The following ANO4 variants were observed in gnomAD, a reference collection of about 807,000 sequenced individuals.
ANO4 encodes the protein anoctamin 4, also known as anoctamin-4.
ANO4 carries 69 observed loss-of-function variants against 141.9 expected under a neutral mutation model. The observed-to-expected ratio is 0.49, with a 90% CI of 0.40 to 0.59. The LOEUF is 0.59. Ranked by LOEUF, ANO4 falls within the 20% of genes least tolerant of loss-of-function variation. The probability of loss-of-function intolerance (pLI) is 0.00; values close to 1 mark genes in which losing one functional copy is unlikely to be tolerated. For missense variants in ANO4, 894 were observed against 1,162.2 expected (o/e 0.77, Z 3.36); for synonymous variants, 350 against 394.3 (o/e 0.89, Z 1.33).
At chr12:100,905,125 G>A (rs1405277756) in intron 2 of ANO4, among the ~76,000 whole-genome samples, 2 of 152,188 alleles carry the variant, frequency 1.3e-5, no homozygotes, top group South Asian at 2.1e-4. Context: ...GATTATAGAT[G>A]TGATAATATT....
chr12:100,969,156 G>A (rs2043812738), intron 5 of ANO4, among the ~76,000 whole-genome samples: 2 of 152,086 alleles, frequency 1.3e-5, no homozygotes, highest in South Asian at 2.1e-4. Context: ...CAGGTCTAAC[G>A]GCCCACATTT....
Position 100,800,208 on chromosome 12 carries a change from A to C in ANO4, c.-141+5181A>C, listed in dbSNP as rs193283425. Among the ~76,000 whole-genome samples the C allele has an allele frequency of 6.6e-5, 10 of 152,286 alleles. No homozygotes were observed. The East Asian group carries it at 1.9e-3, about 29-fold the overall frequency. The stretch of plus-strand genomic sequence containing the variant: ...ACTATTTAAATGATCATTGATTTCT[A>C]TGTAGAGGGGGTGATGTTTGTGAAT... On this transcript the variant is annotated intron_variant, in intron 1 of 27. Transcript: ENST00000392977.
At chr12:101,038,430 T>C (rs2047282973) in intron 10 of ANO4, 1 of 151,910 alleles carries the variant, frequency 6.6e-6, no homozygotes, top group African/African-American at 2.4e-5. Flanking sequence ...GGCATGGGAG[T>C]GTCTGAGGAG....
intron 22 of ANO4, 34 bp from the exon 23 acceptor site, chr12:101,110,370 T>C: frequency 6.4e-7 from 1 of 1,563,454 alleles, no homozygotes; most frequent in Non-Finnish European, 8.6e-7. Context: ...GGAAAACCAA[T>C]ACTCTCTGCT....
At chr12:101,076,329 C>T (rs573694084) in intron 14 of ANO4, among the ~76,000 whole-genome samples, 3 of 152,244 alleles carry the variant, frequency 2.0e-5, no homozygotes, top group Admixed American at 1.3e-4. Context: ...CATCTAAGAA[C>T]CAGAAAGCAA....
chr12:101,045,697 C>G (rs2047593339), intron 13 of ANO4, among the ~76,000 whole-genome samples: 1 of 152,164 alleles, frequency 6.6e-6, no homozygotes. Context: ...TTTGCCAGAA[C>G]AGATACTGGG....
At chr12:100,740,887 C>G (rs915652109) in intron 3 of ANO4, among the ~76,000 whole-genome samples, 28 of 152,280 alleles carry the variant, frequency 1.8e-4, no homozygotes, top group African/African-American at 6.5e-4. Flanking sequence ...GCTGTTTTCA[C>G]ATAACAGTGG....
intron 3 of ANO4, among the ~76,000 whole-genome samples, chr12:100,761,133 C>T (rs956189918): frequency 1.3e-5 from 2 of 152,092 alleles, no homozygotes; most frequent in Non-Finnish European, 2.9e-5. Flanking sequence ...TGTTCCAACT[C>T]CTAACTGTAT....
intron 22 of ANO4, among the ~76,000 whole-genome samples, chr12:101,105,265 C>A (rs1038932831): frequency 6.6e-6 from 1 of 152,126 alleles, no homozygotes; most frequent in Admixed American, 6.5e-5. Context: ...CTCTTATCTG[C>A]CTAACATCAC....
At chr12:100,717,525 G>A (rs968857229), upstream of ANO4, 4 of 398,984 alleles carry the variant, frequency 1.0e-5, no homozygotes, top group African/African-American at 2.1e-5. Context: ...CGCGGGCCAG[G>A]ATGGCCTCCC....
chr12:100,771,659 T>C (rs2033307486), intron 3 of ANO4, among the ~76,000 whole-genome samples: 1 of 152,172 alleles, frequency 6.6e-6, no homozygotes, highest in Non-Finnish European at 1.5e-5. Flanking sequence ...GAAAAGCTAC[T>C]GAGTACTGAG....
intron 22 of ANO4, among the ~76,000 whole-genome samples, chr12:101,109,174 TAAGTG>T (rs1282289395): frequency 2.0e-5 from 3 of 152,234 alleles, no homozygotes; most frequent in Non-Finnish European, 4.4e-5. Flanking sequence ...GAATACCACT[TAAGTG>T]ATGTTATACC....
At chr12:100,915,496 C>T (rs1168850228) in intron 2 of ANO4, among the ~76,000 whole-genome samples, 1 of 152,126 alleles carries the variant, frequency 6.6e-6, no homozygotes, top group Non-Finnish European at 1.5e-5. Context: ...ACACACTCCC[C>T]ATCTTTTCTG....
intron 3 of ANO4, among the ~76,000 whole-genome samples, chr12:100,782,115 C>T (rs571097055): frequency 6.6e-6 from 1 of 152,284 alleles, no homozygotes; most frequent in East Asian, 1.9e-4. Flanking sequence ...TTCTCAGTAT[C>T]TCCTGGGGAC....
At chr12:100,942,668 T>C in intron 5 of ANO4, 133 bp downstream of exon 5, 1 of 960,298 alleles carries the variant, frequency 1.0e-6, no homozygotes, top group Non-Finnish European at 1.5e-6. Context: ...CTTCAGAGTT[T>C]GGGGAATGTT....
intron 1 of ANO4, among the ~76,000 whole-genome samples, chr12:100,869,286 T>C (rs956699300): frequency 1.3e-4 from 20 of 152,334 alleles, no homozygotes; most frequent in African/African-American, 4.8e-4. Flanking sequence ...AGATTTCTTA[T>C]GTAAGGGATG....
At chr12:101,124,211 A>G (rs962609462) in intron 26 of ANO4, among the ~76,000 whole-genome samples, 2 of 152,114 alleles carry the variant, frequency 1.3e-5, no homozygotes, top group Non-Finnish European at 2.9e-5. Flanking sequence ...CAGTTCTTTA[A>G]TTATCAATAA....
intron 9 of ANO4, among the ~76,000 whole-genome samples, chr12:101,033,441 C>A (rs933154112): frequency 2.6e-5 from 4 of 151,856 alleles, no homozygotes; most frequent in Non-Finnish European, 5.9e-5. Context: ...ACAATGTGCA[C>A]ATGTACCCTA....
intron 1 of ANO4, among the ~76,000 whole-genome samples, chr12:100,848,860 T>C (rs923929987): frequency 1.3e-5 from 2 of 152,346 alleles, no homozygotes; most frequent in African/African-American, 4.8e-5. Context: ...TGGGCTCTCC[T>C]GGTGCCTTAT....
Sources: gnomAD v4.1 joint callset for allele counts (sites outside exome capture counted in the v4.1 genomes callset) on GRCh38, gnomAD v4.1.1 for gene constraint, MANE v1.5 for transcripts, NCBI Gene and HGNC (gene_info 2026-07-23, HGNC 2026-07-21) for gene names.